The following MCTP1 variants were observed in gnomAD, a reference collection of about 807,000 sequenced individuals.
MCTP1 encodes the protein multiple C2 and transmembrane domain-containing protein 1.
MCTP1 carries 69 observed loss-of-function variants against 120.6 expected under a neutral mutation model. That is an observed-to-expected ratio of 0.57 (90% CI 0.47 to 0.70). MCTP1 has a LOEUF of 0.70. MCTP1 is among the 30% of genes least tolerant of loss of function. The probability of loss-of-function intolerance (pLI) is 0.00; values close to 1 mark genes in which losing one functional copy is unlikely to be tolerated. For missense variants in MCTP1, 1,203 were observed against 1,248.8 expected (o/e 0.96, Z 0.55); for synonymous variants, 529 against 493.1 (o/e 1.07, Z -0.96).
At chr5:94,753,620 G>C (rs1180910492) in intron 19 of MCTP1, among the ~76,000 whole-genome samples, 1 of 152,038 alleles carries the variant, frequency 6.6e-6, no homozygotes, top group African/African-American at 2.4e-5. Context: ...TTACTTTCAG[G>C]TATCATTTTC....
At chr5:94,799,651 C>T (rs772377762) in intron 17 of MCTP1, among the ~76,000 whole-genome samples, 8 of 152,164 alleles carry the variant, frequency 5.3e-5, no homozygotes, top group African/African-American at 7.2e-5. Context: ...AGCACTGCTA[C>T]GGACAAGTGT....
intron 1 of MCTP1, among the ~76,000 whole-genome samples, chr5:95,085,491 C>A (rs1755363145): frequency 6.7e-6 from 1 of 149,796 alleles, no homozygotes; most frequent in Non-Finnish European, 1.5e-5. Context: ...TACAGCATTG[C>A]AATTTATGTA....
At chr5:95,153,481 G>A (rs911181503) in intron 1 of MCTP1, among the ~76,000 whole-genome samples, 6 of 152,322 alleles carry the variant, frequency 3.9e-5, no homozygotes, top group African/African-American at 1.4e-4. Context: ...AGGCCCAGCA[G>A]GCCAAACACA....
At chr5:94,951,305 T>C (rs1581524810) in intron 3 of MCTP1, among the ~76,000 whole-genome samples, 1 of 152,206 alleles carries the variant, frequency 6.6e-6, no homozygotes, top group Non-Finnish European at 1.5e-5. Flanking sequence ...TTTGGATTTC[T>C]ACATAGATGA....
intron 1 of MCTP1, among the ~76,000 whole-genome samples, chr5:95,181,379 C>CA (rs1462000333): frequency 6.6e-6 from 1 of 152,170 alleles, no homozygotes; most frequent in African/African-American, 2.4e-5. Context: ...GGGGGATTTG[C>CA]ATTTGCTATT....
intron 7 of MCTP1, among the ~76,000 whole-genome samples, chr5:94,923,470 A>C (rs1812225802): frequency 6.6e-6 from 1 of 152,228 alleles, no homozygotes; most frequent in South Asian, 2.1e-4. Context: ...TATTTAAATC[A>C]AAAGAGTTGC....
At chr5:95,154,995 A>G (rs1461085190) in intron 1 of MCTP1, among the ~76,000 whole-genome samples, 2 of 152,186 alleles carry the variant, frequency 1.3e-5, no homozygotes, top group Non-Finnish European at 2.9e-5. Context: ...CTATGCTGGT[A>G]GCTAATTATA....
chr5:94,896,364 T>C (rs1803991717), intron 10 of MCTP1, among the ~76,000 whole-genome samples: 2 of 152,152 alleles, frequency 1.3e-5, no homozygotes, highest in Admixed American at 1.3e-4. Flanking sequence ...ATTCAGACAA[T>C]ATTTTTGGTT....
chr5:94,740,904 T>C (rs1244544812), intron 19 of MCTP1, among the ~76,000 whole-genome samples: 2 of 152,172 alleles, frequency 1.3e-5, no homozygotes, highest in Admixed American at 6.5e-5. Flanking sequence ...CAAAGAAGAC[T>C]TCCTGGAGAA....
chr5:95,169,530 C>A lies in MCTP1; in HGVS notation c.720+114326G>T, dbSNP rs534355295. Among the ~76,000 whole-genome samples, 128 of 152,134 alleles carry A rather than the reference C, an allele frequency of 8.4e-4. 2 individuals carry two copies. Among genetic ancestry groups the A allele is most frequent in the African/African-American group, 2.9e-3 (119 of 41,500 alleles). Reference sequence around the variant, plus strand: ...GGCTGTGAATCTATCTGGTCCTGGACTTTTTTTGGTTGGTAGGCTATTAAT... The same window carrying A: ...GGCTGTGAATCTATCTGGTCCTGGAATTTTTTTGGTTGGTAGGCTATTAAT... On this transcript the variant is annotated intron_variant, in intron 1 of 22. Transcript: ENST00000515393.
At position 95,284,021 on chromosome 5, in the gene MCTP1, C is replaced by T; in HGVS notation, c.555G>A (p.Arg185=). ...ACAAGTGCGCCCCGGGGCCCTGACG[C>T]CGTGCACCCTCATCTCGGGCGCGGT... is the stretch of plus-strand genomic sequence containing the variant. The part of the protein sequence containing the change: ...RGDRARDEGA[R]RQGPGAHLCH... Residue 185 remains arginine, a synonymous_variant, in exon 1 of 23, where the codon CGG becomes CGA. Coordinates refer to ENST00000515393, the MANE Select transcript of MCTP1 (RefSeq NM_024717.7). The surrounding 1 kb of genome is among the most constrained non-coding windows in gnomAD (Gnocchi z 5.2). 1 of 1,497,394 alleles carries T rather than the reference C, an allele frequency of 6.7e-7. No homozygotes were observed. The highest frequency in any genetic ancestry group is 8.9e-7 in the Non-Finnish European group (1 of 1,126,372). The allele number at this position is 1,497,394 out of a possible 1,614,324, so 92.8% of individuals were successfully genotyped here. A position where few individuals can be genotyped will look rare whatever the true frequency, so the allele number is the denominator to read the frequency against.
chr5:94,825,230 T>C (rs1029649386), intron 17 of MCTP1, among the ~76,000 whole-genome samples: 1 of 152,230 alleles, frequency 6.6e-6, no homozygotes, highest in Non-Finnish European at 1.5e-5. Flanking sequence ...AAGATTCTGG[T>C]ATGTTGTGTC....
intron 1 of MCTP1, among the ~76,000 whole-genome samples, chr5:95,058,465 C>T (rs544040062): frequency 2.9e-4 from 44 of 152,298 alleles, no homozygotes; most frequent in African/African-American, 8.7e-4. Flanking sequence ...ACACACCTTA[C>T]GACCTTTGGC....
rs745987279 is a variant in MCTP1 at position 94,707,512 on chromosome 5, TTC to T, written c.2982_2983del (p.Asn996GlnfsTer10). On this transcript the variant is annotated frameshift_variant, in exon 23 of 23. Coordinates refer to ENST00000515393, the MANE Select transcript of MCTP1 (RefSeq NM_024717.7). LOFTEE classifies it high-confidence loss of function. ...GGGAGCTGGCTAGCCAAGATTGTTT[TTC>T]TTTCTTTTATATGGGCTATGAGAAG... is the stretch of plus-strand genomic sequence containing the variant. 6.2e-7 allele frequency: 1 copy of T among 1,611,850 alleles called. No individual in the cohort carries two copies. Among genetic ancestry groups the T allele is most frequent in the Admixed American group, 1.7e-5 (1 of 59,868 alleles).
intron 1 of MCTP1, among the ~76,000 whole-genome samples, chr5:95,226,328 T>A (rs559528891): frequency 1.3e-5 from 2 of 152,314 alleles, no homozygotes; most frequent in East Asian, 3.9e-4. Flanking sequence ...ATTATTTAAT[T>A]GAAAGAGAAC....
chr5:95,187,188 T>C (rs1332527935), intron 1 of MCTP1, among the ~76,000 whole-genome samples: 1 of 152,176 alleles, frequency 6.6e-6, no homozygotes, highest in African/African-American at 2.4e-5. Flanking sequence ...TAGCTAAGAT[T>C]TGGAAGCAAC....
chr5:95,126,170 G>A (rs1473466962), intron 1 of MCTP1, among the ~76,000 whole-genome samples: 1 of 152,258 alleles, frequency 6.6e-6, no homozygotes, highest in East Asian at 1.9e-4. Context: ...TCACCACCAG[G>A]CCTGCACTGT....
chr5:94,862,502 C>G (rs1201183502), intron 17 of MCTP1, among the ~76,000 whole-genome samples: 1 of 151,748 alleles, frequency 6.6e-6, no homozygotes, highest in Non-Finnish European at 1.5e-5. Context: ...AATAACTTCA[C>G]AATTAAATAG....
chr5:94,915,110 T>C (rs1015339486), intron 8 of MCTP1, among the ~76,000 whole-genome samples: 1 of 152,212 alleles, frequency 6.6e-6, no homozygotes, highest in Non-Finnish European at 1.5e-5. Flanking sequence ...AAGGAGCTAA[T>C]AGCTGCCAAC....
Sources: gnomAD v4.1 joint callset for allele counts (sites outside exome capture counted in the v4.1 genomes callset) on GRCh38, gnomAD v4.1.1 for gene constraint, Gnocchi (gnomAD v3.1) non-coding constraint, MANE v1.5 for transcripts, NCBI Gene and HGNC (gene_info 2026-07-23, HGNC 2026-07-21) for gene names.